C5orf15: variants seen among roughly 807,000 people sequenced by gnomAD.
The protein encoded by C5orf15 is chromosome 5 open reading frame 15, also known as keratinocyte-associated transmembrane protein 2.
C5orf15 carries 10 observed loss-of-function variants against 17.8 expected under a neutral mutation model. The ratio of observed to expected loss-of-function variants is 0.56; its 90% CI spans 0.35 to 0.95. The LOEUF is 0.95. Ranked by LOEUF, C5orf15 falls within the 40% of genes least tolerant of loss-of-function variation. The pLI, the probability that C5orf15 is intolerant of heterozygous loss-of-function variation, is 0.02. For missense variants in C5orf15, 319 were observed against 331.7 expected, an observed-to-expected ratio of 0.96 and a Z score of 0.30; for synonymous variants, 124 against 131.0, an observed-to-expected ratio of 0.95 and a Z score of 0.36.
intron 2 of C5orf15, 118 bp from the exon 3 acceptor site, chr5:133,957,108 C>G: frequency 1.1e-6 from 1 of 950,316 alleles, no homozygotes; most frequent in African/African-American, 1.7e-5. Flanking sequence ...AAAATATCAA[C>G]AACAAAAAAG....
chr5:133,967,028 GA>G (rs1167016346), intron 1 of C5orf15, among the ~76,000 whole-genome samples: 6 of 152,188 alleles, frequency 3.9e-5, no homozygotes, highest in East Asian at 1.9e-4. Context: ...TCTCTTAGGG[GA>G]AAAAAGCTGT....
At chr5:133,961,046 T>G (rs1334215693) in intron 1 of C5orf15, among the ~76,000 whole-genome samples, 3 of 151,712 alleles carry the variant, frequency 2.0e-5, no homozygotes, top group African/African-American at 7.3e-5. Flanking sequence ...AACCAAGTCA[T>G]TCTAGTGCTT....
In C5orf15 at chr5:133,968,561, C is replaced by T. The variant is rs757305319; in HGVS notation, c.24G>A (p.Arg8=). The T allele has an allele frequency of 1.2e-6, 2 of 1,610,084 alleles. No individual in the cohort carries two copies. Among genetic ancestry groups the T allele is most frequent in the Non-Finnish European group, 1.7e-6 (2 of 1,178,784 alleles). The change falls in exon 1 of 3, where the codon AGG becomes AGA. Residue 8 remains arginine (R), a synonymous_variant. Coordinates refer to ENST00000231512, the MANE Select transcript of C5orf15 (RefSeq NM_020199.3). ...GTTTCGCTTGTGCTGGCCCCCTCAT[C>T]CTCTTCGGGACGGCAGCGGCCATAA... MAAAVPK[R]MRGPAQAKLL... is the part of the protein sequence containing the mutation.
chr5:133,966,677 TCTAGA>T (rs1336657084), intron 1 of C5orf15, among the ~76,000 whole-genome samples: 2 of 152,194 alleles, frequency 1.3e-5, no homozygotes, highest in Non-Finnish European at 2.9e-5. Flanking sequence ...CTCAACACAT[TCTAGA>T]CTAATTTTCT....
rs138361089 is a variant in C5orf15, at chr5:133,968,555, C to T, written c.30G>A (p.Arg10=). The change falls in exon 1 of 3, where the codon AGG becomes AGA. Residue 10 remains arginine, a synonymous_variant. Coordinates refer to ENST00000231512, the MANE Select transcript of C5orf15 (RefSeq NM_020199.3). ...GCAGCAGTTTCGCTTGTGCTGGCCC[C>T]CTCATCCTCTTCGGGACGGCAGCGG... MAAAVPKRM[R]GPAQAKLLPG... is the part of the protein sequence containing the mutation. 2.5e-4 allele frequency: 395 copies of T among 1,610,228 alleles called. 1 individual carries two copies. In the African/African-American group the frequency reaches 3.2e-3, roughly 13 times the overall value.
intron 1 of C5orf15, among the ~76,000 whole-genome samples, chr5:133,964,435 GCTT>G: frequency 6.6e-6 from 1 of 152,176 alleles, no homozygotes; most frequent in Admixed American, 6.5e-5. Flanking sequence ...AAGTGGGGTG[GCTT>G]TATAAGGGCA....
chr5:133,956,844 T>C lies in C5orf15; in HGVS notation c.*15A>G. ...AGCAAATAAAATTACATAAGCAAATTCAAATCACAGTGCTTTAAAAAATAT... is the reference window on the plus strand; with the variant it reads ...AGCAAATAAAATTACATAAGCAAATCCAAATCACAGTGCTTTAAAAAATAT... On this transcript the variant is annotated 3_prime_UTR_variant, in exon 3 of 3. Coordinates refer to ENST00000231512, the MANE Select transcript of C5orf15 (RefSeq NM_020199.3). 7 of 1,573,210 alleles carry C rather than the reference T, an allele frequency of 4.4e-6. No homozygotes were observed. Among genetic ancestry groups the C allele is most frequent in the Non-Finnish European group, 6.0e-6 (7 of 1,165,816 alleles).
chr5:133,968,430 T>G lies in C5orf15; in HGVS notation c.139+16A>C. 1 of 1,601,238 alleles carries G rather than the reference T, an allele frequency of 6.2e-7. No individual in the cohort carries two copies. Among genetic ancestry groups the G allele is most frequent in the East Asian group, 2.2e-5 (1 of 44,504 alleles). ...CCTCCTAGCCTTCCTAAGCCCACAC[T>G]GCCGCCCCCCTTTACCACTGGATAG... On this transcript the variant is annotated intron_variant, in intron 1 of 2. Transcript: ENST00000231512.
At chr5:133,961,911 A>G (rs1752130431) in intron 1 of C5orf15, among the ~76,000 whole-genome samples, 1 of 152,100 alleles carries the variant, frequency 6.6e-6, no homozygotes, top group Non-Finnish European at 1.5e-5. Context: ...TCAATAATTG[A>G]GTTCCTTGAA....
intron 1 of C5orf15, among the ~76,000 whole-genome samples, chr5:133,960,757 A>G (rs576576137): frequency 6.6e-6 from 1 of 152,262 alleles, no homozygotes; most frequent in East Asian, 1.9e-4. Context: ...GCTGCTACCT[A>G]CTCAGCATAG....
intron 2 of C5orf15, among the ~76,000 whole-genome samples, chr5:133,957,527 C>A (rs1450074574): frequency 6.6e-6 from 1 of 152,190 alleles, no homozygotes; most frequent in Non-Finnish European, 1.5e-5. Flanking sequence ...CAGGAACCTA[C>A]TTGTTTAACA....
At position 133,956,869 on chromosome 5, in the gene C5orf15, T is replaced by C; in HGVS notation, c.788A>G (p.Tyr263Cys). 2.5e-6 allele frequency: 4 copies of C among 1,583,292 alleles called. No individual in the cohort carries two copies. The highest frequency in any genetic ancestry group is 3.4e-6 in the Non-Finnish European group (4 of 1,169,432). ...TCAAATCACAGTGCTTTAAAAAATA[T>C]AATCATTGGTAATCTTCAAAGAAGG... ...AMPSLKITND[Y>C]IF The change falls in exon 3 of 3, where the codon TAT becomes TGT. Residue 263 changes from tyrosine to cysteine, a missense_variant. Around this residue, in one of 3 missense-constraint regions of C5orf15, gnomAD observed 175 missense variants for 192.4 expected, o/e 0.91. Transcript: ENST00000231512.
rs532826802 is a variant in C5orf15 at position 133,960,383 on chromosome 5, G to A, written c.140-363C>T. Among the ~76,000 whole-genome samples the A allele has an allele frequency of 1.6e-4, 25 of 152,304 alleles. No individual in the cohort carries two copies. The South Asian group carries it at 2.3e-3, about 14-fold the overall frequency. On this transcript the variant is annotated intron_variant, in intron 1 of 2. Coordinates refer to ENST00000231512, the MANE Select transcript of C5orf15 (RefSeq NM_020199.3). ...CATTTCATAAAGGGTGTGGATTTCAGTTACCTTGTCCAGACTTTACCTGAT... is the reference window on the plus strand; with the variant it reads ...CATTTCATAAAGGGTGTGGATTTCAATTACCTTGTCCAGACTTTACCTGAT...
Position 133,959,905 on chromosome 5 carries a change from G to A in C5orf15, c.255C>T (p.Ser85=). The A allele has an allele frequency of 1.9e-6, 3 of 1,614,024 alleles. No homozygotes were observed. Among genetic ancestry groups the A allele is most frequent in the Non-Finnish European group, 2.5e-6 (3 of 1,179,978 alleles). ...TACTCGTCGTGGGAGGGAGGGTGGT[G>A]CTGATTTGGGAAATAGAAGGTTTGG... is the stretch of plus-strand genomic sequence containing the variant. The part of the protein sequence containing the change: ...NQTKPSISQI[S]TTLPPTTSTK... Residue 85 remains serine (S), a synonymous_variant, in exon 2 of 3, where the codon AGC becomes AGT. Coordinates refer to ENST00000231512, the MANE Select transcript of C5orf15 (RefSeq NM_020199.3).
At chr5:133,967,285 A>C (rs1355575935) in intron 1 of C5orf15, 1 of 152,250 alleles carries the variant, frequency 6.6e-6, no homozygotes, top group African/African-American at 2.4e-5. Context: ...GAGGGCGTCC[A>C]GTTAGCAACA....
chr5:133,958,375 G>A (rs1752067092), intron 2 of C5orf15, among the ~76,000 whole-genome samples: 1 of 151,940 alleles, frequency 6.6e-6, no homozygotes. Flanking sequence ...CCAGGAGTTT[G>A]AGACCAGCCT....
chr5:133,967,963 C>T lies in C5orf15; in HGVS notation c.139+483G>A, dbSNP rs372131282. Among the ~76,000 whole-genome samples the T allele has an allele frequency of 7.5e-4, 114 of 152,228 alleles. 3 individuals carry two copies. In the South Asian group the frequency reaches 0.016, roughly 22 times the overall value. ...CCCATTCTGGAAAACCCCCACCTTT[C>T]CTTGGTCCTGCAAGATTCCTGAGTC... On this transcript the variant is annotated intron_variant, in intron 1 of 2. Transcript: ENST00000231512.
Position 133,968,617 on chromosome 5 carries a change from A to G in C5orf15, c.-33T>C. Reference sequence around the variant, plus strand: ...TCGGCTGGGAGCCTGCGCTGTTGCTAGGCTCTACGCCATGAGGTCAGACGC... The same window carrying G: ...TCGGCTGGGAGCCTGCGCTGTTGCTGGGCTCTACGCCATGAGGTCAGACGC... On this transcript the variant is annotated 5_prime_UTR_variant, in exon 1 of 3. Transcript: ENST00000231512. 2 of 1,585,996 alleles carry G rather than the reference A, an allele frequency of 1.3e-6. No individual in the cohort carries two copies. The highest frequency in any genetic ancestry group is 1.7e-6 in the Non-Finnish European group (2 of 1,166,490).
chr5:133,961,234 A>T lies in C5orf15; in HGVS notation c.140-1214T>A, dbSNP rs1291627829. Among the ~76,000 whole-genome samples, 173 of 121,722 alleles carry T rather than the reference A, an allele frequency of 1.4e-3. 5 individuals carry two copies. Among genetic ancestry groups the T allele is most frequent in the Admixed American group, 0.014 (161 of 11,476 alleles). 79.9% of individuals were successfully genotyped at this position (121,722 alleles called of 152,430 possible). A position where few individuals can be genotyped will look rare whatever the true frequency, so the allele number is the denominator to read the frequency against. Reference sequence around the variant, plus strand: ...AGAAAAATAATGTAGTCAGTTAGTAAAAAAAAAAAAAAAAAAAAAAAAAAA... The same window carrying T: ...AGAAAAATAATGTAGTCAGTTAGTATAAAAAAAAAAAAAAAAAAAAAAAAA... On this transcript the variant is annotated intron_variant, in intron 1 of 2. Coordinates refer to ENST00000231512, the MANE Select transcript of C5orf15 (RefSeq NM_020199.3).
Sources: allele counts gnomAD v4.1 joint callset (sites outside exome capture counted in the v4.1 genomes callset), GRCh38; gene constraint gnomAD v4.1.1; regional missense constraint gnomAD v4.1.1; transcripts MANE v1.5; gene names NCBI Gene and HGNC (gene_info 2026-07-23, HGNC 2026-07-21).